ARHGEF10: variants seen among roughly 807,000 people sequenced by gnomAD.
ARHGEF10 encodes Rho guanine nucleotide exchange factor (GEF) 10.
ARHGEF10 carries 140 observed loss-of-function variants against 147.4 expected under a neutral mutation model. The ratio of observed to expected loss-of-function variants is 0.95; its 90% CI spans 0.83 to 1.09. ARHGEF10 has a LOEUF of 1.09. Ranked by LOEUF, ARHGEF10 falls within the 50% of genes least tolerant of loss-of-function variation. The pLI is 0.00. For synonymous variants in ARHGEF10, 902 were observed against 695.8 expected (o/e 1.30, Z -4.67); for missense variants, 2,222 against 1,752.7 (o/e 1.27, Z -4.78).
chr8:1,924,186 A>G (rs1812509140), intron 21 of ARHGEF10, among the ~76,000 whole-genome samples: 1 of 152,192 alleles, frequency 6.6e-6, no homozygotes. Context: ...CAGGTGCTCA[A>G]GGCGGGCGGC....
rs1815665204 is a variant in ARHGEF10 at position 1,957,314 on chromosome 8, C to T, written c.*51C>T. The T allele has an allele frequency of 2.5e-6, 4 of 1,581,570 alleles. No homozygotes were observed. The highest frequency in any genetic ancestry group is 2.7e-5 in the African/African-American group (2 of 74,590). ...GAATTTGCAATCAAGGGTGACTTCT[C>T]AGCTAATCCTACAGCCTGAGTGGTT... is the stretch of plus-strand genomic sequence containing the variant. On this transcript the variant is annotated 3_prime_UTR_variant, in exon 29 of 29. Transcript: ENST00000349830.
At position 1,937,232 on chromosome 8, in the gene ARHGEF10, T is replaced by C. The variant is rs563441701; in HGVS notation, c.3222+3290T>C. ...CACGTGCCCTGAGAATGAGAAGCCTTCAGTTTCGTGGGGAGCCAGGGATTA... is the reference window on the plus strand; with the variant it reads ...CACGTGCCCTGAGAATGAGAAGCCTCCAGTTTCGTGGGGAGCCAGGGATTA... On this transcript the variant is annotated intron_variant, in intron 26 of 28. Transcript: ENST00000349830. This position sits in a 1 kb window ranked among gnomAD's most constrained non-coding sequence, Gnocchi z 4.9. 6.6e-6 allele frequency among the ~76,000 whole-genome samples: 1 copy of C among 152,274 alleles called. No individual in the cohort carries two copies. Among genetic ancestry groups the C allele is most frequent in the South Asian group, 2.1e-4 (1 of 4,810 alleles).
chr8:1,831,249 G>C (rs1210998111), intron 1 of ARHGEF10, among the ~76,000 whole-genome samples: 1 of 144,990 alleles, frequency 6.9e-6, no homozygotes, highest in Non-Finnish European at 1.5e-5. Context: ...CATCCGTGGA[G>C]GGACAGTGGC....
chr8:1,873,627 CCGCA>C (rs1807360739), intron 7 of ARHGEF10, among the ~76,000 whole-genome samples: 1 of 128,514 alleles, frequency 7.8e-6, no homozygotes, highest in African/African-American at 2.8e-5. Flanking sequence ...GGTAGTGCAC[CCGCA>C]TTTCCTAGTT....
rs112103788 is a variant in ARHGEF10 at position 1,945,494 on chromosome 8, C to G, written c.3236C>G (p.Ala1079Gly). Reference protein sequence around the residue: ...ETHAVEGQLEAHQEEGMVISH... With the variant: ...ETHAVEGQLEGHQEEGMVISH... ...TCGATTTCACAGGGTCAGCTGGAGG[C>G]CCACCAGGAGGAAGGCATGGTGATC... The change falls in exon 27 of 29, where the codon GCC becomes GGC. Residue 1079 changes from alanine to glycine, a missense_variant. Physicochemically the swap from Ala to Gly is moderately conservative, Grantham distance 60 (BLOSUM62 0). Coordinates refer to ENST00000349830, the MANE Select transcript of ARHGEF10 (RefSeq NM_014629.4). 6.2e-7 allele frequency: 1 copy of G among 1,603,248 alleles called. No homozygotes were observed.
At chr8:1,868,416 G>A (rs926769109) in intron 6 of ARHGEF10, among the ~76,000 whole-genome samples, 2 of 152,306 alleles carry the variant, frequency 1.3e-5, no homozygotes, top group South Asian at 4.1e-4. Context: ...GTGGAACCTC[G>A]ATTTAAAGGT....
intron 11 of ARHGEF10, among the ~76,000 whole-genome samples, chr8:1,892,277 C>CTGTGTGTGTGTG (rs66526026): frequency 0.013 from 1,591 of 126,598 alleles, 42 homozygotes; most frequent in African/African-American, 0.04. Context: ...GCTTCTGGCT[C>CTGTGTGTGTGTG]TGTGTGTGTG....
intron 2 of ARHGEF10, 56 bp from the exon 3 acceptor site, chr8:1,857,904 A>ATCTG (rs1805691252): frequency 7.8e-7 from 1 of 1,281,162 alleles, no homozygotes; most frequent in African/African-American, 1.5e-5. Flanking sequence ...CTATCTATCT[A>ATCTG]TCTATCTATC....
chr8:1,947,216 A>C (rs1814661383), intron 27 of ARHGEF10, among the ~76,000 whole-genome samples: 1 of 152,178 alleles, frequency 6.6e-6, no homozygotes, highest in Non-Finnish European at 1.5e-5. Context: ...TCTGTACACA[A>C]GGGGAGGTGA....
At chr8:1,925,691 G>A (rs935298783) in intron 22 of ARHGEF10, among the ~76,000 whole-genome samples, 1 of 152,198 alleles carries the variant, frequency 6.6e-6, no homozygotes, top group African/African-American at 2.4e-5. Flanking sequence ...GGGGACACGT[G>A]TTTCACATTT....
chr8:1,869,161 A>G (rs1181441756), intron 6 of ARHGEF10, 33 bp from the exon 7 acceptor site: 1 of 1,590,182 alleles, frequency 6.3e-7, no homozygotes, highest in Non-Finnish European at 8.6e-7. Context: ...TTTGTTGGTC[A>G]CTGTTTAAAG....
At chr8:1,942,410 CTG>C (rs1370991172) in intron 26 of ARHGEF10, among the ~76,000 whole-genome samples, 5 of 151,860 alleles carry the variant, frequency 3.3e-5, no homozygotes, top group Admixed American at 2.6e-4. Context: ...CAGTGAGACA[CTG>C]TGTCACACAC....
In ARHGEF10 at chr8:1,860,053, T is replaced by C; in HGVS notation, c.350T>C (p.Val117Ala). 1 of 1,614,112 alleles carries C rather than the reference T, an allele frequency of 6.2e-7. No homozygotes were observed. Among genetic ancestry groups the C allele is most frequent in the Non-Finnish European group, 8.5e-7 (1 of 1,180,004 alleles). The change falls in exon 4 of 29, where the codon GTG becomes GCG. Residue 117 changes from valine to alanine, a missense_variant. Val to Ala is a moderately conservative substitution (Grantham distance 64, BLOSUM62 0). Transcript: ENST00000349830. ...TPVPSAEEEN[V>A]GLHVPCGYLV... ...GTGCCCAGCGCTGAGGAGGAGAATG[T>C]GGGTCTCCATGTGCCCTGCGGGTAC...
At chr8:1,837,491 A>T (rs184630605) in intron 1 of ARHGEF10, among the ~76,000 whole-genome samples, 1 of 152,272 alleles carries the variant, frequency 6.6e-6, no homozygotes, top group East Asian at 1.9e-4. Flanking sequence ...AGAGAAACAA[A>T]TAGCATGAAT....
intron 2 of ARHGEF10, among the ~76,000 whole-genome samples, chr8:1,853,698 G>C (rs1417762925): frequency 1.3e-5 from 2 of 152,352 alleles, no homozygotes; most frequent in Non-Finnish European, 2.9e-5. Flanking sequence ...TTGCGGGGGA[G>C]CCTCCTGGGT....
At chr8:1,881,040 G>A (rs1045007381) in intron 9 of ARHGEF10, among the ~76,000 whole-genome samples, 1 of 152,198 alleles carries the variant, frequency 6.6e-6, no homozygotes, top group Non-Finnish European at 1.5e-5. Context: ...GAGGAGTGGA[G>A]GGCGCCATCA....
chr8:1,944,966 C>T lies in ARHGEF10; in HGVS notation c.3223-515C>T, dbSNP rs549219015. The stretch of plus-strand genomic sequence containing the variant: ...CCGCTGGGATGCACTTTCGGAGCTG[C>T]GGGGCTGCAGCTGAGCCTGGAAGCT... On this transcript the variant is annotated intron_variant, in intron 26 of 28. Coordinates refer to ENST00000349830, the MANE Select transcript of ARHGEF10 (RefSeq NM_014629.4). Among the ~76,000 whole-genome samples the T allele has an allele frequency of 4.6e-4, 70 of 152,356 alleles. No homozygotes were observed. In the South Asian group the frequency reaches 0.013, roughly 29 times the overall value.
At chr8:1,853,341 G>A (rs1474636420) in intron 2 of ARHGEF10, among the ~76,000 whole-genome samples, 1 of 152,226 alleles carries the variant, frequency 6.6e-6, no homozygotes, top group East Asian at 1.9e-4. Context: ...CCAACGGGCG[G>A]AGAACACTGG....
chr8:1,940,135 G>C (rs1008414706), intron 26 of ARHGEF10, among the ~76,000 whole-genome samples: 24 of 152,150 alleles, frequency 1.6e-4, no homozygotes, highest in African/African-American at 5.8e-4. Context: ...TTGTGAAAGA[G>C]TCAAAAGCCC....
Sources: gnomAD v4.1 joint callset for allele counts (sites outside exome capture counted in the v4.1 genomes callset) on GRCh38, gnomAD v4.1.1 for gene constraint, Gnocchi (gnomAD v3.1) non-coding constraint, MANE v1.5 for transcripts, NCBI Gene and HGNC (gene_info 2026-07-23, HGNC 2026-07-21) for gene names.